CDH13: variants seen among roughly 807,000 people sequenced by gnomAD.
CDH13 encodes cadherin 13.
In CDH13, 24 loss-of-function variants were observed where a neutral mutation model predicts 63.8. That is an observed-to-expected ratio of 0.38 (90% confidence interval 0.27 to 0.53). The LOEUF is 0.53. CDH13 is among the 20% of genes least tolerant of loss of function. CDH13 has a pLI of 0.85. For synonymous variants in CDH13, 503 were observed against 355.3 expected, an observed-to-expected ratio of 1.42 and a Z score of -4.67; for missense variants, 1,049 against 903.1, an observed-to-expected ratio of 1.16 and a Z score of -2.07.
chr16:82,698,115 A>G (rs1320173543), intron 1 of CDH13, among the ~76,000 whole-genome samples: 1 of 152,220 alleles, frequency 6.6e-6, no homozygotes, highest in Non-Finnish European at 1.5e-5. Flanking sequence ...GGCAGGTTCT[A>G]ACTGTTGCTG....
chr16:83,563,486 A>G (rs183399790), intron 7 of CDH13, among the ~76,000 whole-genome samples: 3 of 152,344 alleles, frequency 2.0e-5, no homozygotes, highest in Non-Finnish European at 4.4e-5. Flanking sequence ...TTGGTTTGAG[A>G]TGTTCAGAAT....
intron 4 of CDH13, among the ~76,000 whole-genome samples, chr16:83,203,661 C>CAAA (rs61444893): frequency 6.5e-4 from 54 of 83,454 alleles, no homozygotes; most frequent in South Asian, 1.9e-3. Context: ...GACTCCATCT[C>CAAA]AAAAAAAAAA....
chr16:83,281,619 A>C (rs1025595324), intron 5 of CDH13, among the ~76,000 whole-genome samples: 1 of 152,124 alleles, frequency 6.6e-6, no homozygotes, highest in Non-Finnish European at 1.5e-5. Context: ...CATTAAGCTT[A>C]ATCAGTCTAG....
intron 5 of CDH13, among the ~76,000 whole-genome samples, chr16:83,259,612 A>T (rs935730928): frequency 3.9e-5 from 6 of 152,188 alleles, no homozygotes; most frequent in Admixed American, 2.0e-4. Flanking sequence ...CACTTAAGAC[A>T]AAGTCAATAG....
At chr16:83,425,082 C>G (rs764542566) in intron 6 of CDH13, among the ~76,000 whole-genome samples, 1 of 152,216 alleles carries the variant, frequency 6.6e-6, no homozygotes, top group Non-Finnish European at 1.5e-5. Flanking sequence ...CTTACAACCT[C>G]GGTCAAGAAA....
chr16:83,666,068 T>TATAAAC (rs1289376856), intron 8 of CDH13, among the ~76,000 whole-genome samples: 1 of 152,232 alleles, frequency 6.6e-6, no homozygotes, highest in Admixed American at 6.5e-5. Flanking sequence ...TGTATTTGAT[T>TATAAAC]TGCCACACAG....
intron 6 of CDH13, among the ~76,000 whole-genome samples, chr16:83,442,098 G>T (rs1293947910): frequency 6.6e-6 from 1 of 152,120 alleles, no homozygotes; most frequent in African/African-American, 2.4e-5. Flanking sequence ...GAACACACAG[G>T]CCAACTCTGA....
chr16:82,765,127 C>T (rs938612851), intron 1 of CDH13, among the ~76,000 whole-genome samples: 2 of 152,088 alleles, frequency 1.3e-5, no homozygotes, highest in Admixed American at 1.3e-4. Context: ...TTGTGGAAGC[C>T]CCTTAGCTCC....
chr16:83,663,929 G>A (rs906774981), intron 8 of CDH13, among the ~76,000 whole-genome samples: 3 of 151,716 alleles, frequency 2.0e-5, no homozygotes, highest in South Asian at 2.1e-4. Context: ...GGAGGCCAAG[G>A]CAGGAAGATC....
chr16:83,265,239 C>G (rs1391656657), intron 5 of CDH13, among the ~76,000 whole-genome samples: 1 of 152,084 alleles, frequency 6.6e-6, no homozygotes, highest in Non-Finnish European at 1.5e-5. Flanking sequence ...GGCCATCAAA[C>G]TGGGAACTCT....
chr16:83,143,753 G>A (rs2036632540), intron 4 of CDH13, among the ~76,000 whole-genome samples: 1 of 152,108 alleles, frequency 6.6e-6, no homozygotes, highest in South Asian at 2.1e-4. Context: ...CCTCTTGAGT[G>A]CTTTTTAAAC....
chr16:83,513,889 A>G (rs1381725177), intron 7 of CDH13, among the ~76,000 whole-genome samples: 1 of 152,218 alleles, frequency 6.6e-6, no homozygotes, highest in Non-Finnish European at 1.5e-5. Flanking sequence ...GTAGCTGATA[A>G]AAACATAGAC....
At chr16:83,076,918 C>T (rs557669855) in intron 3 of CDH13, among the ~76,000 whole-genome samples, 106 of 151,492 alleles carry the variant, frequency 7.0e-4, no homozygotes, top group African/African-American at 2.5e-3. Context: ...TGGCAAAAAC[C>T]GCAATTACTT....
chr16:83,607,431 A>G (rs1567801549), intron 8 of CDH13, among the ~76,000 whole-genome samples: 4 of 152,190 alleles, frequency 2.6e-5, no homozygotes, highest in Non-Finnish European at 2.9e-5. Flanking sequence ...AAAAAAAAGA[A>G]AAACATGTAA....
chr16:83,344,988 A>T lies in CDH13; in HGVS notation c.763A>T (p.Met255Leu). 6.2e-7 allele frequency: 1 copy of T among 1,613,962 alleles called. No homozygotes were observed. The highest frequency in any genetic ancestry group is 8.5e-7 in the Non-Finnish European group (1 of 1,179,834). Residue 255 changes from methionine to leucine, a missense_variant, in exon 6 of 14, where the codon ATG becomes TTG. Met to Leu is a conservative substitution (Grantham distance 15, BLOSUM62 2). Coordinates refer to ENST00000567109, the MANE Select transcript of CDH13 (RefSeq NM_001257.5). Reference sequence around the variant, plus strand: ...GGAAGGCCCCTACATCGGCCACGTCATGGAAGGGTCACCCACAGGTATGTC... The same window carrying T: ...GGAAGGCCCCTACATCGGCCACGTCTTGGAAGGGTCACCCACAGGTATGTC... ...FREGPYIGHVMEGSPTGTTVM... is the reference protein window; with the variant it reads ...FREGPYIGHVLEGSPTGTTVM...
chr16:83,179,406 G>C (rs1212272588), intron 4 of CDH13, among the ~76,000 whole-genome samples: 1 of 150,914 alleles, frequency 6.6e-6, no homozygotes, highest in Non-Finnish European at 1.5e-5. Flanking sequence ...CACTTTGGGA[G>C]GCCGAGGTGG....
chr16:83,371,350 A>T (rs1390841148), intron 6 of CDH13, among the ~76,000 whole-genome samples: 1 of 152,106 alleles, frequency 6.6e-6, no homozygotes, highest in Non-Finnish European at 1.5e-5. Context: ...AAACATATCC[A>T]GGTCTCCCAA....
intron 6 of CDH13, among the ~76,000 whole-genome samples, chr16:83,409,359 T>C (rs554005057): frequency 1.0e-3 from 158 of 152,330 alleles, no homozygotes; most frequent in African/African-American, 3.4e-3. Context: ...AGCTGCCTGC[T>C]GTGCCTTTGG....
At chr16:83,194,147 A>G (rs911605838) in intron 4 of CDH13, among the ~76,000 whole-genome samples, 4 of 152,354 alleles carry the variant, frequency 2.6e-5, no homozygotes, top group Non-Finnish European at 5.9e-5. Context: ...TCTAAATTAT[A>G]TAATAGTGTG....
Sources: gnomAD v4.1 joint callset for allele counts (sites outside exome capture counted in the v4.1 genomes callset) on GRCh38, gnomAD v4.1.1 for gene constraint, MANE v1.5 for transcripts, NCBI Gene and HGNC (gene_info 2026-07-23, HGNC 2026-07-21) for gene names.